The following PHF14 variants were observed in gnomAD, a reference collection of about 807,000 sequenced individuals.
PHF14 encodes PHD finger protein 14.
A neutral mutation model predicts 117.9 loss-of-function variants in PHF14; 55 were observed. That is an observed-to-expected ratio of 0.47 (90% confidence interval 0.38 to 0.58). PHF14 has a LOEUF of 0.58. Ranked by LOEUF, PHF14 falls within the 20% of genes least tolerant of loss-of-function variation. The pLI is 0.00. For missense variants in PHF14, 978 were observed against 1,122.2 expected (o/e 0.87, Z 1.84); for synonymous variants, 409 against 368.6 (o/e 1.11, Z -1.26).
intron 4 of PHF14, among the ~76,000 whole-genome samples, chr7:11,013,150 TTTTTATA>T: frequency 6.6e-6 from 1 of 152,172 alleles, no homozygotes; most frequent in South Asian, 2.1e-4. Flanking sequence ...CAACTTGTAT[TTTTTATA>T]TTTTATATTT....
At chr7:10,994,430 C>G (rs538104032) in intron 4 of PHF14, among the ~76,000 whole-genome samples, 3 of 152,118 alleles carry the variant, frequency 2.0e-5, no homozygotes, top group Admixed American at 6.5e-5. Flanking sequence ...CAGAGTGAGA[C>G]TCCGTCTCAA....
intron 2 of PHF14, among the ~76,000 whole-genome samples, chr7:10,980,570 G>C (rs569572514): frequency 1.4e-4 from 22 of 152,202 alleles, no homozygotes; most frequent in African/African-American, 5.3e-4. Context: ...TCACTTGTTT[G>C]TGAGTAATAT....
chr7:11,004,497 G>A (rs1446040490), intron 4 of PHF14, among the ~76,000 whole-genome samples: 1 of 151,594 alleles, frequency 6.6e-6, no homozygotes. Context: ...ATCCATTCAG[G>A]TACCATGAGT....
intron 16 of PHF14, chr7:11,105,382 T>C: frequency 3.1e-6 from 3 of 954,866 alleles, no homozygotes; most frequent in Non-Finnish European, 3.7e-6. Context: ...AAACCACTGG[T>C]TTTAAACAAA....
At chr7:11,104,386 C>T (rs1450993295) in intron 16 of PHF14, 2 of 959,500 alleles carry the variant, frequency 2.1e-6, no homozygotes, top group Non-Finnish European at 2.5e-6. Flanking sequence ...ATACTTTCTC[C>T]TAATAATCTC....
In PHF14 at chr7:11,113,782, G is replaced by A. The variant is rs575668136; in HGVS notation, c.2772+2315G>A. Among the ~76,000 whole-genome samples, 8 of 152,214 alleles carry A rather than the reference G, an allele frequency of 5.3e-5. No homozygotes were observed. In the South Asian group the frequency reaches 1.5e-3, roughly 28 times the overall value. Reference sequence around the variant, plus strand: ...CTGTTGGCATTTTCTTCTGAAAGATGTTTGCTAGTATTACAGCCTAAGAAG... The same window carrying A: ...CTGTTGGCATTTTCTTCTGAAAGATATTTGCTAGTATTACAGCCTAAGAAG... On this transcript the variant is annotated intron_variant, in intron 17 of 17. Transcript: ENST00000634607.
chr7:11,109,152 T>A (rs1220549970), intron 16 of PHF14: 1 of 151,838 alleles, frequency 6.6e-6, no homozygotes, highest in Non-Finnish European at 1.5e-5. Flanking sequence ...CAGTAAGTTT[T>A]AGTGGTCTGG....
chr7:11,073,331 A>T (rs1463557147), intron 16 of PHF14, among the ~76,000 whole-genome samples: 1 of 152,208 alleles, frequency 6.6e-6, no homozygotes, highest in Admixed American at 6.5e-5. Flanking sequence ...AAAAATGAGA[A>T]ATTAACCAAA....
intron 2 of PHF14, among the ~76,000 whole-genome samples, chr7:10,982,139 G>A (rs892536140): frequency 2.6e-5 from 4 of 152,100 alleles, no homozygotes; most frequent in Non-Finnish European, 5.9e-5. Flanking sequence ...TTAATTTAGG[G>A]TTATCTATAT....
intron 17 of PHF14, among the ~76,000 whole-genome samples, chr7:11,144,243 G>A (rs1775344936): frequency 6.6e-6 from 1 of 152,000 alleles, no homozygotes; most frequent in Admixed American, 6.6e-5. Context: ...AAAGGAAAGG[G>A]AAATCTTGTA....
At chr7:10,988,225 A>G (rs901503556) in intron 3 of PHF14, among the ~76,000 whole-genome samples, 29 of 152,292 alleles carry the variant, frequency 1.9e-4, no homozygotes, top group African/African-American at 6.7e-4. Flanking sequence ...GGCCAGAAAC[A>G]TTAGTTAATG....
chr7:11,015,174 A>G (rs1454593265), intron 5 of PHF14: 1 of 152,212 alleles, frequency 6.6e-6, no homozygotes, highest in Non-Finnish European at 1.5e-5. Context: ...GTCCTAAAAT[A>G]AAGGATAGGC....
At chr7:11,076,507 G>T (rs182292131) in intron 16 of PHF14, among the ~76,000 whole-genome samples, 1 of 150,584 alleles carries the variant, frequency 6.6e-6, no homozygotes, top group Non-Finnish European at 1.5e-5. Context: ...GAAGACCATC[G>T]CACAGATTGG....
chr7:11,086,903 T>C (rs894781530), intron 16 of PHF14, among the ~76,000 whole-genome samples: 2 of 152,196 alleles, frequency 1.3e-5, no homozygotes, highest in African/African-American at 4.8e-5. Context: ...CTTGGGTTTC[T>C]ATGGATAGTA....
chr7:11,079,965 A>G (rs1447496115), intron 16 of PHF14, among the ~76,000 whole-genome samples: 1 of 152,164 alleles, frequency 6.6e-6, no homozygotes, highest in African/African-American at 2.4e-5. Flanking sequence ...TTTGTTGCAT[A>G]TTGCTAGAGC....
intron 17 of PHF14, among the ~76,000 whole-genome samples, chr7:11,138,063 G>A (rs1228009649): frequency 1.3e-5 from 2 of 148,864 alleles, no homozygotes; most frequent in African/African-American, 5.0e-5. Flanking sequence ...TTGAGACGGA[G>A]TCTTTGCTCT....
chr7:11,000,124 A>G (rs1583347476), intron 4 of PHF14, among the ~76,000 whole-genome samples: 1 of 152,156 alleles, frequency 6.6e-6, no homozygotes, highest in Non-Finnish European at 1.5e-5. Context: ...TGAACTTTAT[A>G]TATGTTCCAA....
At chr7:11,017,832 A>C (rs1783585130) in intron 5 of PHF14, among the ~76,000 whole-genome samples, 1 of 152,096 alleles carries the variant, frequency 6.6e-6, no homozygotes, top group South Asian at 2.1e-4. Flanking sequence ...TCGCTCAAGA[A>C]ATTTTACCCA....
intron 12 of PHF14, 23 bp downstream of exon 12, chr7:11,040,798 A>G (rs1408475094): frequency 1.7e-6 from 2 of 1,171,140 alleles, no homozygotes; most frequent in South Asian, 3.1e-5. Flanking sequence ...ATTAATAATG[A>G]TAGAATAATG....
Sources: gnomAD v4.1 joint callset for allele counts (sites outside exome capture counted in the v4.1 genomes callset) on GRCh38, gnomAD v4.1.1 for gene constraint, MANE v1.5 for transcripts, NCBI Gene and HGNC (gene_info 2026-07-23, HGNC 2026-07-21) for gene names.